Variants in CATSPERD observed in about 807,000 individuals in gnomAD.
CATSPERD encodes the protein cation channel sperm-associated auxiliary subunit delta.
In CATSPERD, 86 loss-of-function variants were observed where a neutral mutation model predicts 98.1. The ratio of observed to expected loss-of-function variants is 0.88; its 90% confidence interval spans 0.74 to 1.05. CATSPERD has a LOEUF of 1.05. Among genes scored for constraint, CATSPERD ranks in the 50% least tolerant of loss-of-function variants. CATSPERD has a pLI of 0.00. For synonymous variants in CATSPERD, 394 were observed against 390.2 expected (o/e 1.01, Z -0.12); for missense variants, 995 against 1,005.7 (o/e 0.99, Z 0.14).
chr19:5,760,925 C>G (rs1486394042), intron 15 of CATSPERD, among the ~76,000 whole-genome samples: 1 of 150,166 alleles, frequency 6.7e-6, no homozygotes, highest in Non-Finnish European at 1.5e-5. Flanking sequence ...GGCGACAGAG[C>G]GAGACCCCCA....
chr19:5,770,859 C>CA, intron 18 of CATSPERD, 85 bp from the exon 19 acceptor site: 5 of 1,506,064 alleles, frequency 3.3e-6, no homozygotes, highest in Non-Finnish European at 4.5e-6. Context: ...TCCCCATTTG[C>CA]AAAAAAGAAA....
intron 8 of CATSPERD, 49 bp downstream of exon 8, chr19:5,744,559 C>A: frequency 1.5e-6 from 2 of 1,371,852 alleles, no homozygotes; most frequent in South Asian, 1.3e-5. Flanking sequence ...TTGCCCAAGC[C>A]CAGGTTTTTG....
chr19:5,754,393 C>CTTT (rs749080620), intron 13 of CATSPERD, 148 bp downstream of exon 13: 14,141 of 227,756 alleles, frequency 0.062, 398 homozygotes, highest in South Asian at 0.074. Context: ...GTCTCTGTGT[C>CTTT]TTTTTTTTTT....
intron 20 of CATSPERD, among the ~76,000 whole-genome samples, chr19:5,773,170 G>A (rs2056682119): frequency 1.3e-5 from 2 of 152,104 alleles, no homozygotes; most frequent in African/African-American, 4.8e-5. Context: ...TGGCTAACAT[G>A]GCAAAAGCCC....
At chr19:5,722,856 C>T (rs1260661911) in intron 1 of CATSPERD, among the ~76,000 whole-genome samples, 1 of 152,010 alleles carries the variant, frequency 6.6e-6, no homozygotes, top group Non-Finnish European at 1.5e-5. Flanking sequence ...TGTTGCAGGA[C>T]TTCATAATTT....
intron 17 of CATSPERD, 64 bp from the exon 18 acceptor site, chr19:5,768,104 C>A: frequency 6.9e-7 from 1 of 1,453,948 alleles, no homozygotes. Flanking sequence ...CTTTCTGTCC[C>A]ATCCATAATG....
chr19:5,777,198 C>T lies in CATSPERD; in HGVS notation c.2096+883C>T, dbSNP rs1388582831. Among the ~76,000 whole-genome samples the T allele has an allele frequency of 1.1e-4, 17 of 152,030 alleles. No homozygotes were observed. In the East Asian group the frequency reaches 3.3e-3, roughly 30 times the overall value. ...CCTCTCCAGTAGGATGAAAGTTCAC[C>T]CCCTGAAAAAAAAACACGTGGAGGT... is the stretch of plus-strand genomic sequence containing the variant. On this transcript the variant is annotated intron_variant, in intron 21 of 21. Coordinates refer to ENST00000381624, the MANE Select transcript of CATSPERD (RefSeq NM_152784.4).
intron 21 of CATSPERD, 37 bp downstream of exon 21, chr19:5,776,352 C>T: frequency 1.2e-6 from 2 of 1,605,388 alleles, no homozygotes; most frequent in Non-Finnish European, 1.7e-6. Context: ...CAGGGGACGC[C>T]TGGTGCCCCT....
intron 9 of CATSPERD, among the ~76,000 whole-genome samples, chr19:5,746,585 T>C (rs912853669): frequency 9.2e-5 from 14 of 151,846 alleles, no homozygotes; most frequent in African/African-American, 2.9e-4. Flanking sequence ...CCCAGCACCA[T>C]GCCCGGCTAA....
At chr19:5,772,086 T>C (rs2056656883) in intron 19 of CATSPERD, 1 of 203,040 alleles carries the variant, frequency 4.9e-6, no homozygotes, top group Non-Finnish European at 1.0e-5. Context: ...CTTGCTCTGT[T>C]GCCCAGGCTG....
At chr19:5,752,730 A>G (rs886302218) in intron 12 of CATSPERD, among the ~76,000 whole-genome samples, 1 of 152,106 alleles carries the variant, frequency 6.6e-6, no homozygotes, top group Non-Finnish European at 1.5e-5. Flanking sequence ...TCCAAAATCC[A>G]TGGAAAGGAA....
At chr19:5,724,130 T>C (rs1568337307) in intron 1 of CATSPERD, among the ~76,000 whole-genome samples, 1 of 151,624 alleles carries the variant, frequency 6.6e-6, no homozygotes, top group East Asian at 2.0e-4. Flanking sequence ...TTCACGATGT[T>C]GGCCAGGCTG....
rs904512013 is a variant in CATSPERD, at chr19:5,752,206, T to G, written c.1164+383T>G. On this transcript the variant is annotated intron_variant, in intron 12 of 21. Coordinates refer to ENST00000381624, the MANE Select transcript of CATSPERD (RefSeq NM_152784.4). ...CGCCTGTAATCCCACCTACTTCGAG[T>G]GCTGAGGCATGAGAATCTCTTTAAC... 4.6e-5 allele frequency among the ~76,000 whole-genome samples: 7 copies of G among 151,832 alleles called. No homozygotes were observed. In the East Asian group the frequency reaches 1.4e-3, roughly 29 times the overall value.
intron 21 of CATSPERD, 132 bp from the exon 22 acceptor site, chr19:5,778,244 G>C: frequency 1.6e-6 from 1 of 629,088 alleles, no homozygotes; most frequent in Non-Finnish European, 2.7e-6. Flanking sequence ...GATGGAAACA[G>C]AAGTGGGTAT....
chr19:5,768,210 C>A lies in CATSPERD; in HGVS notation c.1602C>A (p.Thr534=), dbSNP rs776035325. Residue 534 remains threonine, a synonymous_variant, in exon 18 of 22, where the codon ACC becomes ACA. Coordinates refer to ENST00000381624, the MANE Select transcript of CATSPERD (RefSeq NM_152784.4). ...CCATGGGCATCCTGGACCCCTTGAC[C>A]CTGCAAGACAATTACAGCTTCATCA... ...ACSMGILDPL[T]LQDNYSFIIE... 22 of 1,613,630 alleles carry A rather than the reference C, an allele frequency of 1.4e-5. No homozygotes were observed.
chr19:5,772,684 T>G, intron 19 of CATSPERD, 104 bp from the exon 20 acceptor site: 1 of 1,196,748 alleles, frequency 8.4e-7, no homozygotes, highest in Non-Finnish European at 1.2e-6. Flanking sequence ...CTCTGTCACC[T>G]CCCACCCCCC....
chr19:5,732,973 G>A (rs1415548870), intron 4 of CATSPERD, among the ~76,000 whole-genome samples: 1 of 151,608 alleles, frequency 6.6e-6, no homozygotes, highest in Non-Finnish European at 1.5e-5. Flanking sequence ...CACCATGCTC[G>A]GCCATAAATG....
chr19:5,757,884 C>T lies in CATSPERD; in HGVS notation c.1320C>T (p.Thr440=). The T allele has an allele frequency of 2.5e-6, 4 of 1,613,422 alleles. No homozygotes were observed. Among genetic ancestry groups the T allele is most frequent in the Non-Finnish European group, 1.7e-6 (2 of 1,179,810 alleles). ...SNPHSLGFQA[T]FYENGYTSDG... is the part of the protein sequence containing the mutation. ...CCCACTCCCTGGGGTTCCAGGCCAC[C>T]TTCTACGAGAACGGTTACACATCAG... The change falls in exon 14 of 22, where the codon ACC becomes ACT. Residue 440 remains threonine (T), a synonymous_variant. Coordinates refer to ENST00000381624, the MANE Select transcript of CATSPERD (RefSeq NM_152784.4).
At chr19:5,747,145 T>C (rs1218858345) in intron 9 of CATSPERD, among the ~76,000 whole-genome samples, 2 of 150,006 alleles carry the variant, frequency 1.3e-5, no homozygotes, top group Admixed American at 1.3e-4. Context: ...GTACTCAACC[T>C]GTTTTATCCT....
Sources: allele counts gnomAD v4.1 joint callset (sites outside exome capture counted in the v4.1 genomes callset), GRCh38; gene constraint gnomAD v4.1.1; transcripts MANE v1.5; gene names NCBI Gene and HGNC (gene_info 2026-07-23, HGNC 2026-07-21).